Variants in NEMP2 observed in about 807,000 individuals in gnomAD.
NEMP2 encodes the protein nuclear envelope integral membrane protein 2.
In NEMP2, 53 loss-of-function variants were observed where a neutral mutation model predicts 54.2. The ratio of observed to expected loss-of-function variants is 0.98; its 90% CI spans 0.78 to 1.23. The LOEUF (loss-of-function observed/expected upper bound fraction) is 1.23, where lower values mean the gene tolerates loss of function less well. Ranked by LOEUF, NEMP2 falls within the 50% of genes most tolerant of loss-of-function variation. The probability of loss-of-function intolerance (pLI) is 0.00; values close to 1 mark genes in which losing one functional copy is unlikely to be tolerated. For missense variants in NEMP2, 455 were observed against 511.3 expected, an observed-to-expected ratio of 0.89 and a Z score of 1.06; for synonymous variants, 197 against 190.3, an observed-to-expected ratio of 1.04 and a Z score of -0.29.
the NEMP2 span, among the ~76,000 whole-genome samples, chr2:190,632,451 A>G: frequency 1.9e-4 from 29 of 152,406 alleles, no homozygotes; most frequent in East Asian, 4.4e-3. The surrounding 1 kb of genome is among the most constrained non-coding windows in gnomAD (Gnocchi z 4.8). Flanking sequence ...AGAATGCCTA[A>G]GCCCTTAAAT....
the NEMP2 span, chr2:190,648,476 C>A: frequency 6.6e-6 from 1 of 152,030 alleles, no homozygotes; most frequent in East Asian, 1.9e-4. Context: ...CCCGCCTCTG[C>A]CCCGAGCCTG....
upstream of NEMP2, among the ~76,000 whole-genome samples, chr2:190,535,416 A>AT (rs1691343104): frequency 6.6e-6 from 1 of 152,186 alleles, no homozygotes; most frequent in African/African-American, 2.4e-5. Flanking sequence ...TAATAGATAT[A>AT]TTTTTAAATT....
downstream of NEMP2, chr2:190,500,228 G>C: frequency 6.2e-7 from 1 of 1,613,912 alleles, no homozygotes; most frequent in Non-Finnish European, 8.5e-7. This position sits in a 1 kb window ranked among gnomAD's most constrained non-coding sequence, Gnocchi z 5.3. Context: ...AGGGCATCCT[G>C]CTCATCTCAC....
At chr2:190,432,987 C>G in the NEMP2 span, among the ~76,000 whole-genome samples, 3 of 152,100 alleles carry the variant, frequency 2.0e-5, no homozygotes, top group African/African-American at 7.3e-5. Context: ...TATAATCAAC[C>G]AAGGTTTTAG....
chr2:190,524,728 C>A lies in NEMP2; in HGVS notation c.213+535G>T, dbSNP rs537305887. On this transcript the variant is annotated intron_variant, in intron 2 of 8. Coordinates refer to ENST00000409150, the MANE Select transcript of NEMP2 (RefSeq NM_001142645.2). ...TTATTTATTGTTTACTATTCCCCACCCTAGATAATGTAAATATCCACAATG... is the reference window on the plus strand; with the variant it reads ...TTATTTATTGTTTACTATTCCCCACACTAGATAATGTAAATATCCACAATG... Among the ~76,000 whole-genome samples the A allele has an allele frequency of 2.0e-5, 3 of 152,216 alleles. No individual in the cohort carries two copies. The East Asian group carries it at 5.8e-4, about 29-fold the overall frequency.
the NEMP2 span, among the ~76,000 whole-genome samples, chr2:190,455,268 TATTC>T: frequency 4.2e-5 from 6 of 143,738 alleles, no homozygotes; most frequent in African/African-American, 1.5e-4. Flanking sequence ...ACTATTAAGT[TATTC>T]ATAGCTCTAT....
At chr2:190,500,291 C>T, downstream of NEMP2, 2 of 1,502,080 alleles carry the variant, frequency 1.3e-6, no homozygotes, top group Non-Finnish European at 1.8e-6. The surrounding 1 kb of genome is among the most constrained non-coding windows in gnomAD (Gnocchi z 5.3). Context: ...GGCCCCCCAG[C>T]CAGGATATGC....
the NEMP2 span, among the ~76,000 whole-genome samples, chr2:190,427,687 A>C: frequency 6.6e-6 from 1 of 151,686 alleles, no homozygotes; most frequent in Admixed American, 6.6e-5. Context: ...TGATAGAGAA[A>C]ATTGTGTCTA....
chr2:190,477,382 A>G, the NEMP2 span: 5 of 977,018 alleles, frequency 5.1e-6, no homozygotes, highest in Admixed American at 6.1e-5. Context: ...AAAGATTTGT[A>G]TACCTACAGA....
the NEMP2 span, among the ~76,000 whole-genome samples, chr2:190,480,793 C>T: frequency 6.6e-6 from 1 of 152,124 alleles, no homozygotes; most frequent in African/African-American, 2.4e-5. Context: ...TACACTAATC[C>T]ATGCAAAGTA....
chr2:190,589,231 C>T, the NEMP2 span, among the ~76,000 whole-genome samples: 1 of 152,160 alleles, frequency 6.6e-6, no homozygotes, highest in East Asian at 1.9e-4. The surrounding 1 kb of genome is among the most constrained non-coding windows in gnomAD (Gnocchi z 4.3). Context: ...AGGTTTTAGA[C>T]TCATCACCTC....
rs1290201991 is a variant in NEMP2, at chr2:190,528,850, G to C, written c.98-3472C>G. Among the ~76,000 whole-genome samples, 4 of 152,144 alleles carry C rather than the reference G, an allele frequency of 2.6e-5. No homozygotes were observed. The highest frequency in any genetic ancestry group is 4.8e-5 in the African/African-American group (2 of 41,412). ...CTGGAGCTCTTAAGAGCAAGATGATGCAATTTAAGTATAGTGTATACTGCA... is the reference window on the plus strand; with the variant it reads ...CTGGAGCTCTTAAGAGCAAGATGATCCAATTTAAGTATAGTGTATACTGCA... On this transcript the variant is annotated intron_variant, in intron 1 of 8. Coordinates refer to ENST00000409150, the MANE Select transcript of NEMP2 (RefSeq NM_001142645.2). This position sits in a 1 kb window ranked among gnomAD's most constrained non-coding sequence, Gnocchi z 4.3.
chr2:190,496,522 C>T, the NEMP2 span, among the ~76,000 whole-genome samples: 35,246 of 152,102 alleles, frequency 0.23, 5,063 homozygotes, highest in South Asian at 0.34. This position sits in a 1 kb window ranked among gnomAD's most constrained non-coding sequence, Gnocchi z 4.7. Flanking sequence ...GAAAAAGATA[C>T]TTGTACATGC....
At chr2:190,499,960 G>C, downstream of NEMP2, 5 of 1,606,976 alleles carry the variant, frequency 3.1e-6, no homozygotes, top group Non-Finnish European at 4.3e-6. This position sits in a 1 kb window ranked among gnomAD's most constrained non-coding sequence, Gnocchi z 6.0. Flanking sequence ...TATATAAAAA[G>C]TTGGATTTAT....
At chr2:190,544,744 C>T in the NEMP2 span, among the ~76,000 whole-genome samples, 31 of 151,980 alleles carry the variant, frequency 2.0e-4, no homozygotes, top group African/African-American at 7.0e-4. Context: ...TCTAAGAGTA[C>T]ATTTAAGGTA....
chr2:190,644,041 A>G, the NEMP2 span, among the ~76,000 whole-genome samples: 6 of 152,262 alleles, frequency 3.9e-5, no homozygotes, highest in African/African-American at 7.2e-5. The surrounding 1 kb of genome is among the most constrained non-coding windows in gnomAD (Gnocchi z 4.4). Context: ...TTCTAAATGC[A>G]TAATGAATCT....
chr2:190,605,281 C>T, the NEMP2 span, among the ~76,000 whole-genome samples: 6 of 150,472 alleles, frequency 4.0e-5, no homozygotes, highest in Non-Finnish European at 7.4e-5. Context: ...CCCTCCCCTG[C>T]CCGCCCCACT....
the NEMP2 span, among the ~76,000 whole-genome samples, chr2:190,450,941 G>A: frequency 6.6e-6 from 1 of 152,178 alleles, no homozygotes; most frequent in East Asian, 1.9e-4. Context: ...AGTACAGTGA[G>A]GAATCCTCAG....
the NEMP2 span, among the ~76,000 whole-genome samples, chr2:190,645,842 G>C: frequency 6.6e-6 from 1 of 152,174 alleles, no homozygotes; most frequent in Non-Finnish European, 1.5e-5. Context: ...TCATCTTTTA[G>C]AGTGCATGAA....
Sources: allele counts gnomAD v4.1 joint callset (sites outside exome capture counted in the v4.1 genomes callset), GRCh38; gene constraint gnomAD v4.1.1; non-coding constraint Gnocchi (gnomAD v3.1); transcripts MANE v1.5; gene names NCBI Gene and HGNC (gene_info 2026-07-23, HGNC 2026-07-21).